The following PDE3B variants were observed in gnomAD, a reference collection of about 807,000 sequenced individuals.
The protein encoded by PDE3B is phosphodiesterase 3B.
PDE3B carries 66 observed loss-of-function variants against 116.8 expected under a neutral mutation model. That is an observed-to-expected ratio of 0.56 (90% CI 0.46 to 0.69). The LOEUF is 0.69. Among genes scored for constraint, PDE3B ranks in the 30% least tolerant of loss-of-function variants. The probability of loss-of-function intolerance (pLI) is 0.00; values close to 1 mark genes in which losing one functional copy is unlikely to be tolerated. For missense variants in PDE3B, 1,384 were observed against 1,368.1 expected (o/e 1.01, Z -0.18); for synonymous variants, 595 against 533.6 (o/e 1.12, Z -1.59).
intron 1 of PDE3B, among the ~76,000 whole-genome samples, chr11:14,750,210 C>T (rs1033237319): frequency 3.3e-5 from 5 of 151,602 alleles, no homozygotes. Flanking sequence ...TAATCTCATC[C>T]AGAAATACCC....
At chr11:14,706,223 C>T (rs547616680) in intron 1 of PDE3B, among the ~76,000 whole-genome samples, 6 of 151,666 alleles carry the variant, frequency 4.0e-5, no homozygotes, top group African/African-American at 9.7e-5. Context: ...TGAATTTGTA[C>T]ACTGATCTAG....
chr11:14,665,873 A>T (rs1284515363), intron 1 of PDE3B, among the ~76,000 whole-genome samples: 1 of 152,148 alleles, frequency 6.6e-6, no homozygotes, highest in Non-Finnish European at 1.5e-5. Context: ...TAATTTATAG[A>T]TTCAATGCCA....
chr11:14,748,884 T>C (rs1387125389), intron 1 of PDE3B, among the ~76,000 whole-genome samples: 1 of 150,988 alleles, frequency 6.6e-6, no homozygotes, highest in East Asian at 1.9e-4. Context: ...CCTTTCTCTT[T>C]TCTTTCTTTT....
chr11:14,781,739 G>C (rs901303737), intron 2 of PDE3B, among the ~76,000 whole-genome samples: 4 of 152,140 alleles, frequency 2.6e-5, no homozygotes, highest in African/African-American at 9.7e-5. Context: ...CATTCCCTTT[G>C]AAAAACAGCA....
intron 1 of PDE3B, among the ~76,000 whole-genome samples, chr11:14,770,748 A>G (rs1857615851): frequency 6.6e-6 from 1 of 151,614 alleles, no homozygotes; most frequent in Non-Finnish European, 1.5e-5. Flanking sequence ...TTGGGAAGAA[A>G]TAGATTTTTC....
intron 1 of PDE3B, among the ~76,000 whole-genome samples, chr11:14,732,189 G>T (rs1232340840): frequency 6.6e-6 from 1 of 152,186 alleles, no homozygotes; most frequent in African/African-American, 2.4e-5. Context: ...GCAAGGTGCA[G>T]GTGGGGGGCA....
intron 3 of PDE3B, among the ~76,000 whole-genome samples, chr11:14,787,565 G>T (rs903289659): frequency 3.3e-5 from 5 of 151,926 alleles, no homozygotes. Flanking sequence ...GTTTAGAAAT[G>T]TTGAAAAGTT....
chr11:14,705,413 A>G (rs566612464), intron 1 of PDE3B, among the ~76,000 whole-genome samples: 2 of 151,962 alleles, frequency 1.3e-5, no homozygotes, highest in African/African-American at 4.8e-5. Context: ...GTATAATATC[A>G]TTTATATGAG....
chr11:14,803,985 T>G lies in PDE3B; in HGVS notation c.1457T>G (p.Leu486Arg). ...YLNGPFNSNL[L>R]TIPKQRSSSV... ...AATGGGCCTTTTAATTCAAATCTAC[T>G]GACTATCCCGAAGCAAAGGTCATCT... Residue 486 changes from leucine (L) to arginine (R), a missense_variant, in exon 5 of 16, where the codon CTG becomes CGG. Physicochemically the swap from Leu to Arg is moderately radical, Grantham distance 102 (BLOSUM62 -2). Transcript: ENST00000282096. 1 of 1,611,544 alleles carries G rather than the reference T, an allele frequency of 6.2e-7. No homozygotes were observed. The highest frequency in any genetic ancestry group is 8.5e-7 in the Non-Finnish European group (1 of 1,177,664).
At chr11:14,890,388 G>A in the PDE3B span, 3 of 762,922 alleles carry the variant, frequency 3.9e-6, no homozygotes, top group Non-Finnish European at 4.8e-6. Context: ...CTCAATTCTG[G>A]GAGAATTGCA....
At chr11:14,891,860 C>A in the PDE3B span, 3 of 1,410,588 alleles carry the variant, frequency 2.1e-6, no homozygotes, top group Non-Finnish European at 2.8e-6. Context: ...AAAGGGCAGC[C>A]GGCACACGGA....
intron 2 of PDE3B, among the ~76,000 whole-genome samples, chr11:14,778,907 A>G (rs1857878965): frequency 6.6e-6 from 1 of 152,214 alleles, no homozygotes; most frequent in African/African-American, 2.4e-5. Context: ...CCCATCGCAA[A>G]GAAGCCAAAA....
intron 2 of PDE3B, among the ~76,000 whole-genome samples, chr11:14,777,002 A>G: frequency 6.6e-6 from 1 of 152,232 alleles, no homozygotes; most frequent in East Asian, 1.9e-4. Context: ...ACAAATAATT[A>G]CAAAGTATCT....
At chr11:14,851,386 C>T (rs1354973397) in intron 12 of PDE3B, among the ~76,000 whole-genome samples, 1 of 151,802 alleles carries the variant, frequency 6.6e-6, no homozygotes, top group Non-Finnish European at 1.5e-5. Context: ...CAATCTCTTT[C>T]ATATACTCCA....
chr11:14,783,302 A>G (rs895581356), intron 2 of PDE3B, among the ~76,000 whole-genome samples: 6 of 152,232 alleles, frequency 3.9e-5, no homozygotes, highest in African/African-American at 1.4e-4. Flanking sequence ...ATAAAGACAC[A>G]TGCACATGTA....
At chr11:14,702,418 G>T (rs553493634) in intron 1 of PDE3B, among the ~76,000 whole-genome samples, 2 of 151,756 alleles carry the variant, frequency 1.3e-5, no homozygotes, top group Admixed American at 6.6e-5. Context: ...TGCAAAAGCA[G>T]AATCTAAAAT....
intron 4 of PDE3B, among the ~76,000 whole-genome samples, chr11:14,794,602 C>A (rs1049539253): frequency 4.6e-5 from 7 of 152,188 alleles, no homozygotes; most frequent in African/African-American, 1.7e-4. Context: ...GCATGAGACA[C>A]CATGCCCAGC....
At chr11:14,864,259 C>T (rs1848003447) in intron 14 of PDE3B, among the ~76,000 whole-genome samples, 3 of 152,082 alleles carry the variant, frequency 2.0e-5, no homozygotes, top group Non-Finnish European at 2.9e-5. Context: ...AGCTAACTAT[C>T]CTAAATATAT....
At chr11:14,833,896 TGGAAC>T (rs1460832664) in intron 10 of PDE3B, among the ~76,000 whole-genome samples, 3 of 152,130 alleles carry the variant, frequency 2.0e-5, no homozygotes, top group African/African-American at 7.2e-5. Context: ...TCAAGGGAAA[TGGAAC>T]GAAAAGAAAG....
Sources: allele counts gnomAD v4.1 joint callset (sites outside exome capture counted in the v4.1 genomes callset), GRCh38; gene constraint gnomAD v4.1.1; transcripts MANE v1.5; gene names NCBI Gene and HGNC (gene_info 2026-07-23, HGNC 2026-07-21).